The following SEC24D variants were observed in gnomAD, a reference collection of about 807,000 sequenced individuals.
SEC24D encodes the protein SEC24 homolog D, COPII component.
Under a neutral mutation model 116.9 loss-of-function variants are expected in SEC24D, and 69 were observed. That is an observed-to-expected ratio of 0.59 (90% CI 0.49 to 0.72). The LOEUF (loss-of-function observed/expected upper bound fraction) is 0.72, where lower values mean the gene tolerates loss of function less well. Ranked by LOEUF, SEC24D falls within the 30% of genes least tolerant of loss-of-function variation. SEC24D has a pLI of 0.00. For missense variants in SEC24D, 1,131 were observed against 1,264.1 expected, an observed-to-expected ratio of 0.89 and a Z score of 1.60; for synonymous variants, 405 against 442.8, an observed-to-expected ratio of 0.91 and a Z score of 1.07.
At chr4:118,784,994 A>G (rs1228705915) in intron 8 of SEC24D, among the ~76,000 whole-genome samples, 4 of 152,142 alleles carry the variant, frequency 2.6e-5, no homozygotes, top group Non-Finnish European at 5.9e-5. Flanking sequence ...GCTTTTTTAA[A>G]TAAGAACATG....
At chr4:118,746,358 C>T (rs1307296097) in intron 13 of SEC24D, among the ~76,000 whole-genome samples, 1 of 152,022 alleles carries the variant, frequency 6.6e-6, no homozygotes, top group Non-Finnish European at 1.5e-5. Flanking sequence ...ACATTTATTG[C>T]ATGCAGCTCT....
chr4:118,787,781 T>G (rs988253648), intron 8 of SEC24D, among the ~76,000 whole-genome samples: 1 of 152,178 alleles, frequency 6.6e-6, no homozygotes, highest in Non-Finnish European at 1.5e-5. Flanking sequence ...TACTCCAGCC[T>G]GGGTCAAAGA....
At position 118,800,384 on chromosome 4, in the gene SEC24D, A is replaced by G. The variant is rs150142951; in HGVS notation, c.914-2574T>C. 2.4e-3 allele frequency among the ~76,000 whole-genome samples: 365 copies of G among 152,288 alleles called. 3 individuals carry two copies. The highest frequency in any genetic ancestry group is 8.5e-3 in the African/African-American group (353 of 41,550). ...TTTTGCTGCACAGATGCAGACCTGA[A>G]ATGAACGGGAGGTTGGACTTAAAAA... On this transcript the variant is annotated intron_variant, in intron 7 of 22. Transcript: ENST00000280551.
Position 118,785,656 on chromosome 4 carries a change from T to C in SEC24D, c.1041+12027A>G, listed in dbSNP as rs77512317. Among the ~76,000 whole-genome samples, 1,017 of 152,294 alleles carry C rather than the reference T, an allele frequency of 6.7e-3. 11 individuals are homozygous for C. Among genetic ancestry groups the C allele is most frequent in the African/African-American group, 0.023 (964 of 41,562 alleles). ...ATGGTGATGCTTATAATTTGAATAA[T>C]AAGAAACAGAGAAAATAGTGATCTA... On this transcript the variant is annotated intron_variant, in intron 8 of 22. Transcript: ENST00000280551.
Position 118,773,718 on chromosome 4 carries a change from A to C in SEC24D, c.1042-5407T>G, listed in dbSNP as rs114512772. On this transcript the variant is annotated intron_variant, in intron 8 of 22. Coordinates refer to ENST00000280551, the MANE Select transcript of SEC24D (RefSeq NM_014822.4). ...CCCAAAGGATTATGCCCAGAGGCGA[A>C]AAGGAAAAGAGTCTGTATCAACTGC... is the stretch of plus-strand genomic sequence containing the variant. Among the ~76,000 whole-genome samples, 445 of 152,354 alleles carry C rather than the reference A, an allele frequency of 2.9e-3. 1 individual carries two copies. The highest frequency in any genetic ancestry group is 0.014 in the Middle Eastern group (4 of 294).
At position 118,757,843 on chromosome 4, in the gene SEC24D, C is replaced by T. The variant is rs921004957; in HGVS notation, c.1299G>A (p.Lys433=). 4.4e-6 allele frequency: 7 copies of T among 1,599,836 alleles called. No homozygotes were observed. The African/African-American group carries it at 6.8e-5, about 15-fold the overall frequency. ...EYVATLDYCR[K]SKPPNPPAFI... ...AGGCTGGTGGGTTGGGAGGCTTACT[C>T]TTCTATAGGAAAGCAAACACATCAC... is the stretch of plus-strand genomic sequence containing the variant. The change falls in exon 11 of 23, where the codon AAG becomes AAA. Residue 433 remains lysine, a splice_region_variant and synonymous_variant. Transcript: ENST00000280551.
At position 118,738,359 on chromosome 4, in the gene SEC24D, G is replaced by A; in HGVS notation, c.2398C>T (p.Gln800Ter). The change falls in exon 19 of 23, where the codon CAG becomes TAG. Residue 800 changes from glutamine to a stop codon, truncating the protein, a stop_gained. Transcript: ENST00000280551. LOFTEE classifies it high-confidence loss of function. The part of the protein sequence containing the change: ...AKSAFKAVLH[Q>*]PLKVIREILV... ...ATTTCCCGGATGACCTTCAAAGGCT[G>A]GTGGAGAACTGCTTTAAAAGCTACA... The A allele has an allele frequency of 6.2e-7, 1 of 1,611,918 alleles. No individual in the cohort carries two copies. The highest frequency in any genetic ancestry group is 8.5e-7 in the Non-Finnish European group (1 of 1,178,108).
At chr4:118,816,596 C>T (rs1255527818) in intron 4 of SEC24D, 2 of 215,400 alleles carry the variant, frequency 9.3e-6, no homozygotes, top group Non-Finnish European at 1.9e-5. Flanking sequence ...TCTTTGGAGA[C>T]TTATCCATTT....
chr4:118,737,875 T>A (rs1227825424), intron 19 of SEC24D, among the ~76,000 whole-genome samples: 17 of 152,138 alleles, frequency 1.1e-4, no homozygotes, highest in Admixed American at 1.1e-3. Flanking sequence ...ATGTTATTAC[T>A]GCCATCAGCT....
chr4:118,786,299 T>C (rs1188296108), intron 8 of SEC24D, among the ~76,000 whole-genome samples: 1 of 152,250 alleles, frequency 6.6e-6, no homozygotes, highest in Non-Finnish European at 1.5e-5. Flanking sequence ...TTTCTTTTCC[T>C]ACATTTTTCT....
At chr4:118,794,596 A>T (rs1487233494) in intron 8 of SEC24D, among the ~76,000 whole-genome samples, 1 of 152,232 alleles carries the variant, frequency 6.6e-6, no homozygotes, top group Non-Finnish European at 1.5e-5. Flanking sequence ...GTTTATGAAA[A>T]TAAAAGATCT....
intron 4 of SEC24D, chr4:118,816,720 A>T (rs1480998763): frequency 2.3e-6 from 1 of 428,640 alleles, no homozygotes; most frequent in Admixed American, 2.7e-5. Flanking sequence ...TGCTGTCATT[A>T]CAGTGGAGCT....
intron 13 of SEC24D, among the ~76,000 whole-genome samples, chr4:118,748,743 T>C (rs1726669662): frequency 6.6e-6 from 1 of 152,080 alleles, no homozygotes; most frequent in Admixed American, 6.6e-5. Context: ...ATGACATTTG[T>C]ATCACAACTT....
chr4:118,754,261 C>A (rs983749298), intron 11 of SEC24D: 2 of 152,130 alleles, frequency 1.3e-5, no homozygotes, highest in Admixed American at 1.3e-4. Flanking sequence ...ATACAACAGA[C>A]ACTCACACAC....
chr4:118,783,962 GGAGGCT>G (rs1728545689), intron 8 of SEC24D, among the ~76,000 whole-genome samples: 1 of 152,198 alleles, frequency 6.6e-6, no homozygotes. Context: ...GAGCAATTTG[GGAGGCT>G]GAGGCGGGCA....
chr4:118,803,091 G>T (rs1729517663), intron 7 of SEC24D, among the ~76,000 whole-genome samples: 1 of 152,120 alleles, frequency 6.6e-6, no homozygotes, highest in African/African-American at 2.4e-5. Context: ...GGCTGGGTGG[G>T]GTGGAAGAAT....
rs75299065 is a variant in SEC24D, at chr4:118,833,611, T to C, written c.86A>G (p.Tyr29Cys). The change falls in exon 2 of 23, where the codon TAT becomes TGT. Residue 29 changes from tyrosine to cysteine, a missense_variant. Physicochemically the swap from Tyr to Cys is radical, Grantham distance 194 (BLOSUM62 -2). Transcript: ENST00000280551. Reference sequence around the variant, plus strand: ...AGATGCTGTGTGCGACGGATCCCCATAGTGCCCATAATGAGGTGGAGAAAG... The same window carrying C: ...AGATGCTGTGTGCGACGGATCCCCACAGTGCCCATAATGAGGTGGAGAAAG... ...IGLSPPHYGH[Y>C]GDPSHTASPT... 1,467 of 1,613,850 alleles carry C rather than the reference T, an allele frequency of 9.1e-4. 13 individuals carry two copies. The East Asian group carries it at 0.012, about 13-fold the overall frequency.
intron 3 of SEC24D, among the ~76,000 whole-genome samples, chr4:118,820,866 T>C (rs1040749402): frequency 1.3e-5 from 2 of 152,188 alleles, no homozygotes; most frequent in East Asian, 3.9e-4. Flanking sequence ...AGATTCACCA[T>C]AGGAAAGAAT....
chr4:118,817,434 T>C (rs1730198905), intron 3 of SEC24D, 22 bp from the exon 4 acceptor site: 3 of 1,592,134 alleles, frequency 1.9e-6, no homozygotes, highest in Non-Finnish European at 1.7e-6. Flanking sequence ...AAACAGGATG[T>C]CAAACAATAT....
Sources: gnomAD v4.1 joint callset for allele counts (sites outside exome capture counted in the v4.1 genomes callset) on GRCh38, gnomAD v4.1.1 for gene constraint, MANE v1.5 for transcripts, NCBI Gene and HGNC (gene_info 2026-07-23, HGNC 2026-07-21) for gene names.